The following TAFA5 variants were observed in gnomAD, a reference collection of about 807,000 sequenced individuals.
The protein encoded by TAFA5 is chemokine-like protein TAFA-5.
TAFA5 carries 6 observed loss-of-function variants against 15.3 expected under a neutral mutation model. The ratio of observed to expected loss-of-function variants is 0.39; its 90% CI spans 0.21 to 0.77. The LOEUF is 0.77. Among genes scored for constraint, TAFA5 ranks in the 30% least tolerant of loss-of-function variants. The pLI is 0.41. For synonymous variants in TAFA5, 103 were observed against 80.7 expected (o/e 1.28, Z -1.48); for missense variants, 161 against 193.1 (o/e 0.83, Z 0.98).
intron 1 of TAFA5, among the ~76,000 whole-genome samples, chr22:48,634,112 A>ACTCACTTG (rs1926346965): frequency 1.1e-5 from 1 of 88,158 alleles, no homozygotes; most frequent in Non-Finnish European, 2.2e-5. Flanking sequence ...CTTGACGTTC[A>ACTCACTTG]CTCACTCGCT....
chr22:48,693,197 G>A, intron 2 of TAFA5: 1 of 1,197,768 alleles, frequency 8.3e-7, no homozygotes. Context: ...AGGGGCCTCA[G>A]TGACGGGGCC....
intron 2 of TAFA5, among the ~76,000 whole-genome samples, chr22:48,687,768 C>T (rs150741581): frequency 6.6e-6 from 1 of 152,282 alleles, no homozygotes; most frequent in Non-Finnish European, 1.5e-5. Flanking sequence ...AGTGCCCCAC[C>T]TCTGAGGGGG....
intron 3 of TAFA5, among the ~76,000 whole-genome samples, chr22:48,720,990 G>A (rs1020707938): frequency 4.6e-5 from 7 of 152,308 alleles, no homozygotes; most frequent in Non-Finnish European, 7.4e-5. Flanking sequence ...GACCCCGGAT[G>A]AGGAACCCGA....
At chr22:48,618,243 T>G (rs935972648) in intron 1 of TAFA5, among the ~76,000 whole-genome samples, 6 of 152,294 alleles carry the variant, frequency 3.9e-5, no homozygotes, top group Admixed American at 2.6e-4. Flanking sequence ...CCCCACAGGC[T>G]TAGCAGCGGC....
chr22:48,722,769 A>G (rs130190), intron 3 of TAFA5, among the ~76,000 whole-genome samples: 96,978 of 151,880 alleles, frequency 0.64, 31,918 homozygotes, highest in Admixed American at 0.7. Context: ...AGGGGCAGTC[A>G]TGGCCGGGGG....
chr22:48,542,120 T>TA (rs1922405301), intron 1 of TAFA5, among the ~76,000 whole-genome samples: 1 of 68,584 alleles, frequency 1.5e-5, no homozygotes, highest in Non-Finnish European at 3.5e-5. Context: ...TGTGTGTGTG[T>TA]GGTGTGTGTG....
At chr22:48,729,824 CAA>C (rs1299541731) in intron 3 of TAFA5, among the ~76,000 whole-genome samples, 11 of 150,214 alleles carry the variant, frequency 7.3e-5, no homozygotes. Flanking sequence ...GAAAGTGTCC[CAA>C]AAGATAAAAA....
chr22:48,615,711 C>G, intron 1 of TAFA5, among the ~76,000 whole-genome samples: 1 of 152,208 alleles, frequency 6.6e-6, no homozygotes, highest in East Asian at 1.9e-4. Context: ...ATCCCCCCCT[C>G]TCCAGGAGGG....
intron 1 of TAFA5, among the ~76,000 whole-genome samples, chr22:48,519,251 A>G (rs993479210): frequency 6.6e-6 from 1 of 152,232 alleles, no homozygotes; most frequent in African/African-American, 2.4e-5. Flanking sequence ...TTCAATTTAA[A>G]TTTCATTACA....
At chr22:48,749,319 C>T (rs911970477) in intron 3 of TAFA5, among the ~76,000 whole-genome samples, 1 of 152,144 alleles carries the variant, frequency 6.6e-6, no homozygotes. Context: ...TGGGCAGCCA[C>T]GGGAATGGCA....
At chr22:48,638,885 G>A (rs915276541) in intron 1 of TAFA5, among the ~76,000 whole-genome samples, 1 of 132,084 alleles carries the variant, frequency 7.6e-6, no homozygotes, top group Admixed American at 7.3e-5. Context: ...ACCGCACACA[G>A]GCGGGACCCC....
At chr22:48,575,941 A>AGGC (rs963346633) in intron 1 of TAFA5, among the ~76,000 whole-genome samples, 19 of 130,758 alleles carry the variant, frequency 1.5e-4, no homozygotes, top group African/African-American at 4.8e-4. Context: ...GCGGCGGAGG[A>AGGC]GGCGGCGGCG....
chr22:48,551,205 C>T (rs1277800448), intron 1 of TAFA5, among the ~76,000 whole-genome samples: 3 of 152,102 alleles, frequency 2.0e-5, no homozygotes, highest in African/African-American at 4.8e-5. Context: ...GCTCCCAGGG[C>T]CCCTGACCCT....
chr22:48,706,154 C>T (rs1929072392), intron 2 of TAFA5, among the ~76,000 whole-genome samples: 1 of 152,194 alleles, frequency 6.6e-6, no homozygotes, highest in Admixed American at 6.5e-5. Flanking sequence ...GGGCTGGCAA[C>T]TGAGGCAGCC....
chr22:48,636,356 G>A (rs1019993983), intron 1 of TAFA5, among the ~76,000 whole-genome samples: 21 of 152,200 alleles, frequency 1.4e-4, no homozygotes, highest in African/African-American at 2.4e-5. Flanking sequence ...TGTGATGGAG[G>A]AGTTGATTCT....
intron 2 of TAFA5, among the ~76,000 whole-genome samples, chr22:48,654,461 G>T (rs765767484): frequency 5.9e-5 from 9 of 152,186 alleles, no homozygotes; most frequent in Non-Finnish European, 8.8e-5. Context: ...TTCCCATGAG[G>T]ATGGGGACAG....
At chr22:48,650,232 C>T (rs534079358) in intron 2 of TAFA5, among the ~76,000 whole-genome samples, 5 of 152,360 alleles carry the variant, frequency 3.3e-5, no homozygotes, top group Middle Eastern at 3.4e-3. Context: ...GCCCCTACCG[C>T]GTTCCGTGAC....
intron 3 of TAFA5, among the ~76,000 whole-genome samples, chr22:48,730,952 G>A (rs879796740): frequency 3.3e-5 from 5 of 152,192 alleles, no homozygotes; most frequent in African/African-American, 7.2e-5. Context: ...ATCGAGCTTC[G>A]TGAGGAAGGC....
rs576083002 is a variant in TAFA5, at chr22:48,628,786, G to A, written c.113-17811G>A. On this transcript the variant is annotated intron_variant, in intron 1 of 3. Transcript: ENST00000402357. Reference sequence around the variant, plus strand: ...AATAGCCACTGCTGCAAACAGCTCCGCGGCCACCAACAGTTATGGGAAGTA... The same window carrying A: ...AATAGCCACTGCTGCAAACAGCTCCACGGCCACCAACAGTTATGGGAAGTA... Among the ~76,000 whole-genome samples, 379 of 152,318 alleles carry A rather than the reference G, an allele frequency of 2.5e-3. 3 individuals carry two copies. Among genetic ancestry groups the A allele is most frequent in the African/African-American group, 8.6e-3 (356 of 41,582 alleles).
Sources: allele counts gnomAD v4.1 joint callset (sites outside exome capture counted in the v4.1 genomes callset), GRCh38; gene constraint gnomAD v4.1.1; transcripts MANE v1.5; gene names NCBI Gene and HGNC (gene_info 2026-07-23, HGNC 2026-07-21).